The following CPS1 variants were observed in gnomAD, a reference collection of about 807,000 sequenced individuals.
The protein encoded by CPS1 is carbamoyl-phosphate synthase [ammonia], mitochondrial.
In CPS1, 109 loss-of-function variants were observed where a neutral mutation model predicts 174.6. The ratio of observed to expected loss-of-function variants is 0.62; its 90% CI spans 0.53 to 0.73. The LOEUF (loss-of-function observed/expected upper bound fraction) is 0.73. Ranked by LOEUF, CPS1 falls within the 30% of genes least tolerant of loss-of-function variation. The pLI is 0.00. For synonymous variants in CPS1, 637 were observed against 632.0 expected, an observed-to-expected ratio of 1.01 and a Z score of -0.12; for missense variants, 1,689 against 1,821.9, an observed-to-expected ratio of 0.93 and a Z score of 1.33.
intron 1 of CPS1, among the ~76,000 whole-genome samples, chr2:210,530,228 G>C (rs1179922163): frequency 6.6e-6 from 1 of 152,016 alleles, no homozygotes; most frequent in Non-Finnish European, 1.5e-5. Context: ...TACAGTTTTT[G>C]ATGAGTGGAG....
chr2:210,567,518 G>T (rs1251791254), intron 1 of CPS1, among the ~76,000 whole-genome samples: 2 of 152,094 alleles, frequency 1.3e-5, no homozygotes. Flanking sequence ...TAGATGAAAA[G>T]TAAAGGAAGA....
At chr2:210,560,411 A>G (rs1029405758) in intron 1 of CPS1, among the ~76,000 whole-genome samples, 3 of 152,138 alleles carry the variant, frequency 2.0e-5, no homozygotes, top group Non-Finnish European at 2.9e-5. Context: ...TTTACTTGCA[A>G]ATGAATTTGG....
intron 1 of CPS1, among the ~76,000 whole-genome samples, chr2:210,485,668 C>T (rs1694696720): frequency 6.6e-6 from 1 of 152,052 alleles, no homozygotes; most frequent in African/African-American, 2.4e-5. Flanking sequence ...AGATGTATTT[C>T]TCCATTCATC....
At chr2:210,594,188 C>T (rs1698402582) in intron 11 of CPS1, among the ~76,000 whole-genome samples, 1 of 151,384 alleles carries the variant, frequency 6.6e-6, no homozygotes, top group East Asian at 2.0e-4. Flanking sequence ...TTGTTATATC[C>T]ACCTAGAATT....
At chr2:210,623,091 G>C (rs1409425217) in intron 21 of CPS1, among the ~76,000 whole-genome samples, 1 of 151,976 alleles carries the variant, frequency 6.6e-6, no homozygotes, top group East Asian at 1.9e-4. Flanking sequence ...CAAAGTGAAG[G>C]TTTTCTACCA....
At chr2:210,525,215 C>T (rs1020989328) in intron 1 of CPS1, among the ~76,000 whole-genome samples, 2 of 151,868 alleles carry the variant, frequency 1.3e-5, no homozygotes, top group African/African-American at 2.4e-5. Flanking sequence ...TCTACAGGCA[C>T]ACCATGTAAA....
intron 3 of CPS1, 150 bp from the exon 4 acceptor site, chr2:210,577,271 T>G: frequency 1.5e-6 from 1 of 682,020 alleles, no homozygotes. Context: ...AAGAAGGGCA[T>G]TGATTTTTTT....
chr2:210,639,751 A>G (rs995487713), intron 23 of CPS1, among the ~76,000 whole-genome samples: 1 of 152,148 alleles, frequency 6.6e-6, no homozygotes, highest in African/African-American at 2.4e-5. Flanking sequence ...CAATGACTAC[A>G]TGATCATACA....
At position 210,519,327 on chromosome 2, in the gene CPS1, C is replaced by A. The variant is rs375705544; in HGVS notation, c.4-37392C>A. 7.2e-5 allele frequency among the ~76,000 whole-genome samples: 11 copies of A among 152,052 alleles called. No homozygotes were observed. In the East Asian group the frequency reaches 1.7e-3, roughly 24 times the overall value. On this transcript the variant is annotated intron_variant, in intron 1 of 38. Transcript: ENST00000430249. ...ATAGACTATGTGCATCTAAAGTATT[C>A]CTAATATATTTCATATTCTTTTGAT...
chr2:210,515,879 GA>G, intron 1 of CPS1, among the ~76,000 whole-genome samples: 1 of 151,844 alleles, frequency 6.6e-6, no homozygotes, highest in Non-Finnish European at 1.5e-5. Flanking sequence ...CTGCATCACA[GA>G]GATTTTGCTA....
In CPS1 at chr2:210,677,155, A is replaced by G; in HGVS notation, c.4404+19A>G. On this transcript the variant is annotated intron_variant, in intron 37 of 37. Coordinates refer to ENST00000233072, the MANE Select transcript of CPS1 (RefSeq NM_001875.5). ...TTTTCAGGTATAGTCTTTTCCTTGG[A>G]TATAGACTGGATGGGAGTTTTATTT... The G allele has an allele frequency of 6.2e-7, 1 of 1,611,944 alleles. No homozygotes were observed. The highest frequency in any genetic ancestry group is 8.5e-7 in the Non-Finnish European group (1 of 1,178,062).
chr2:210,568,925 C>T (rs1697387406), intron 1 of CPS1, among the ~76,000 whole-genome samples: 1 of 151,752 alleles, frequency 6.6e-6, no homozygotes, highest in African/African-American at 2.4e-5. Context: ...AAGAAATAAT[C>T]AGGAGGATGG....
intron 1 of CPS1, among the ~76,000 whole-genome samples, chr2:210,567,123 G>A (rs561296481): frequency 6.6e-5 from 10 of 152,126 alleles, no homozygotes; most frequent in Middle Eastern, 3.4e-3. Flanking sequence ...GTCAATCTAC[G>A]TCTACCAGAC....
intron 32 of CPS1, among the ~76,000 whole-genome samples, chr2:210,662,201 T>C (rs532137349): frequency 1.3e-5 from 2 of 152,288 alleles, no homozygotes; most frequent in South Asian, 2.1e-4. Flanking sequence ...CAGGTAGATA[T>C]GCATTTTTTA....
chr2:210,541,563 C>G (rs1696430505), intron 1 of CPS1, among the ~76,000 whole-genome samples: 1 of 152,076 alleles, frequency 6.6e-6, no homozygotes, highest in African/African-American at 2.4e-5. Context: ...AGGAATTAAG[C>G]AATCAGTGAA....
chr2:210,624,521 T>G (rs926589864), intron 21 of CPS1, among the ~76,000 whole-genome samples: 2 of 152,106 alleles, frequency 1.3e-5, no homozygotes, highest in Non-Finnish European at 2.9e-5. Flanking sequence ...TTTATAACTC[T>G]GTGAACTAAT....
chr2:210,555,765 A>C, upstream of CPS1: 2 of 427,410 alleles, frequency 4.7e-6, no homozygotes, highest in Non-Finnish European at 9.5e-6. Context: ...AGCATCTGCC[A>C]GCCAGTGAGG....
At chr2:210,482,672 GA>G (rs1694604605) in intron 1 of CPS1, among the ~76,000 whole-genome samples, 1 of 80,940 alleles carries the variant, frequency 1.2e-5, no homozygotes, top group African/African-American at 5.7e-5. Context: ...GAGAGAGAGA[GA>G]GAAAGAGAGA....
intron 1 of CPS1, among the ~76,000 whole-genome samples, chr2:210,517,174 A>T (rs1261682358): frequency 6.6e-6 from 1 of 151,998 alleles, no homozygotes; most frequent in African/African-American, 2.4e-5. Context: ...AGTCCAAGAC[A>T]AACACATTGA....
Sources: gnomAD v4.1 joint callset for allele counts (sites outside exome capture counted in the v4.1 genomes callset) on GRCh38, gnomAD v4.1.1 for gene constraint, MANE v1.5 for transcripts, NCBI Gene and HGNC (gene_info 2026-07-23, HGNC 2026-07-21) for gene names.